SCAND3: variants seen among roughly 807,000 people sequenced by gnomAD.
The protein encoded by SCAND3 is SCAN domain containing 3.
chr6:28,586,727 AGACAGCTCAG>A, the SCAND3 span: 1 of 1,606,636 alleles, frequency 6.2e-7, no homozygotes, highest in Non-Finnish European at 8.5e-7. The surrounding 1 kb of genome is among the most constrained non-coding windows in gnomAD (Gnocchi z 4.4). Flanking sequence ...TCCCGAGCTT[AGACAGCTCAG>A]GCAAAGGTTC....
the SCAND3 span, chr6:28,588,014 T>G: frequency 6.6e-6 from 1 of 152,254 alleles, no homozygotes; most frequent in Non-Finnish European, 1.5e-5. The surrounding 1 kb of genome is among the most constrained non-coding windows in gnomAD (Gnocchi z 4.1). Context: ...GGTTCCCTTC[T>G]CCATTCTCTG....
the SCAND3 span, among the ~76,000 whole-genome samples, chr6:28,615,270 T>C: frequency 6.6e-6 from 1 of 152,178 alleles, no homozygotes; most frequent in Non-Finnish European, 1.5e-5. Context: ...AAATGTAATA[T>C]TTTACTATCT....
At chr6:28,600,562 G>A in the SCAND3 span, among the ~76,000 whole-genome samples, 1 of 152,186 alleles carries the variant, frequency 6.6e-6, no homozygotes, top group Non-Finnish European at 1.5e-5. Context: ...GAGCCCAGGA[G>A]ATTGCAGTGA....
chr6:28,600,764 G>C, the SCAND3 span, among the ~76,000 whole-genome samples: 27 of 151,946 alleles, frequency 1.8e-4, no homozygotes, highest in Non-Finnish European at 2.5e-4. Flanking sequence ...AATTGAACAC[G>C]GACTAGGTAT....
At chr6:28,577,352 C>T in the SCAND3 span, among the ~76,000 whole-genome samples, 5 of 152,120 alleles carry the variant, frequency 3.3e-5, no homozygotes, top group African/African-American at 1.2e-4. Context: ...AAGTCAACAT[C>T]ATTTATACTA....
At chr6:28,578,821 T>C in the SCAND3 span, among the ~76,000 whole-genome samples, 14 of 152,196 alleles carry the variant, frequency 9.2e-5, no homozygotes. Flanking sequence ...ACCTCTACTA[T>C]ACATTATACC....
the SCAND3 span, among the ~76,000 whole-genome samples, chr6:28,610,167 C>G: frequency 6.6e-6 from 1 of 152,064 alleles, no homozygotes; most frequent in African/African-American, 2.4e-5. Flanking sequence ...TTTTTTCCCC[C>G]CAGGTTTTTA....
At chr6:28,589,422 C>G in the SCAND3 span, 8 of 152,080 alleles carry the variant, frequency 5.3e-5, no homozygotes, top group Admixed American at 2.0e-4. Context: ...TTGAATCCAG[C>G]AATCCGAGTT....
chr6:28,586,917 G>T, the SCAND3 span: 2 of 579,142 alleles, frequency 3.5e-6, no homozygotes, highest in African/African-American at 3.7e-5. This position sits in a 1 kb window ranked among gnomAD's most constrained non-coding sequence, Gnocchi z 4.4. Context: ...CAATTCCATT[G>T]AAAGTGAAGC....
At chr6:28,586,896 A>C in the SCAND3 span, 1 of 593,478 alleles carries the variant, frequency 1.7e-6, no homozygotes, top group Non-Finnish European at 2.9e-6. This position sits in a 1 kb window ranked among gnomAD's most constrained non-coding sequence, Gnocchi z 4.4. Context: ...AACACAGGGC[A>C]GTTACTCGGG....
chr6:28,614,144 G>A, the SCAND3 span, among the ~76,000 whole-genome samples: 8 of 151,842 alleles, frequency 5.3e-5, no homozygotes, highest in Non-Finnish European at 1.2e-4. Context: ...TGTATTTTTA[G>A]TAGAGACAGA....
chr6:28,601,930 T>A, the SCAND3 span, among the ~76,000 whole-genome samples: 17 of 152,210 alleles, frequency 1.1e-4, no homozygotes, highest in East Asian at 3.1e-3. Flanking sequence ...CCTAGCTCTT[T>A]CCTACCCACC....
the SCAND3 span, chr6:28,573,288 T>C: frequency 6.2e-7 from 1 of 1,614,142 alleles, no homozygotes; most frequent in Non-Finnish European, 8.5e-7. Context: ...TGGAAAGTGG[T>C]ACCTGAGCTA....
At chr6:28,572,402 T>G in the SCAND3 span, 1 of 1,613,364 alleles carries the variant, frequency 6.2e-7, no homozygotes, top group Non-Finnish European at 8.5e-7. The surrounding 1 kb of genome is among the most constrained non-coding windows in gnomAD (Gnocchi z 4.1). Flanking sequence ...CCTACTTCAT[T>G]GATAATTGTT....
chr6:28,595,379 C>T, the SCAND3 span, among the ~76,000 whole-genome samples: 1 of 133,820 alleles, frequency 7.5e-6, no homozygotes, highest in African/African-American at 2.9e-5. Flanking sequence ...AAGAAGAGGA[C>T]GAGGAGGAAG....
the SCAND3 span, among the ~76,000 whole-genome samples, chr6:28,581,875 A>G: frequency 3.3e-5 from 5 of 152,390 alleles, no homozygotes; most frequent in East Asian, 9.6e-4. Flanking sequence ...TCGGGAGGAA[A>G]GAAGGGTAGA....
At chr6:28,607,139 G>A in the SCAND3 span, among the ~76,000 whole-genome samples, 11 of 152,212 alleles carry the variant, frequency 7.2e-5, no homozygotes, top group East Asian at 1.9e-4. Context: ...GAAATGCAAA[G>A]CAACCTGTCT....
the SCAND3 span, chr6:28,616,043 C>G: frequency 6.6e-6 from 1 of 152,222 alleles, no homozygotes; most frequent in East Asian, 1.9e-4. The surrounding 1 kb of genome is among the most constrained non-coding windows in gnomAD (Gnocchi z 4.3). Context: ...CTCGGGCCTT[C>G]TATAAACGCT....
At chr6:28,613,758 CTCAT>C in the SCAND3 span, among the ~76,000 whole-genome samples, 35 of 152,128 alleles carry the variant, frequency 2.3e-4, no homozygotes, top group Admixed American at 2.6e-4. Context: ...AAAATTATGA[CTCAT>C]TTGTTTATTA....
Sources: gnomAD v4.1 joint callset for allele counts (sites outside exome capture counted in the v4.1 genomes callset) on GRCh38, gnomAD v4.1.1 for gene constraint, Gnocchi (gnomAD v3.1) non-coding constraint, MANE v1.5 for transcripts, NCBI Gene and HGNC (gene_info 2026-07-23, HGNC 2026-07-21) for gene names.